RUNX2: variants seen among roughly 807,000 people sequenced by gnomAD.
RUNX2 encodes RUNX family transcription factor 2, also known as runt-related transcription factor 2.
RUNX2 carries 10 observed loss-of-function variants against 51.7 expected under a neutral mutation model. The observed-to-expected ratio is 0.19, with a 90% CI of 0.12 to 0.33. The LOEUF (loss-of-function observed/expected upper bound fraction) is 0.33, where lower values mean the gene tolerates loss of function less well. RUNX2 is among the 10% of genes least tolerant of loss of function. The pLI, the probability that RUNX2 is intolerant of heterozygous loss-of-function variation, is 1.00. For synonymous variants in RUNX2, 276 were observed against 273.6 expected (o/e 1.01, Z -0.09); for missense variants, 562 against 691.3 (o/e 0.81, Z 2.10).
chr6:45,524,170 T>A (rs1175190035), intron 7 of RUNX2, among the ~76,000 whole-genome samples: 2 of 152,176 alleles, frequency 1.3e-5, no homozygotes, highest in African/African-American at 4.8e-5. Flanking sequence ...AGAATTTAAG[T>A]AACTTGGTCT....
intron 2 of RUNX2, among the ~76,000 whole-genome samples, chr6:45,379,159 G>A (rs1797159475): frequency 1.3e-5 from 2 of 152,112 alleles, no homozygotes; most frequent in African/African-American, 4.8e-5. Context: ...TCTCCCCAAC[G>A]CTTCAATATT....
chr6:45,387,765 G>A (rs372695302), intron 2 of RUNX2, among the ~76,000 whole-genome samples: 1 of 152,140 alleles, frequency 6.6e-6, no homozygotes, highest in Non-Finnish European at 1.5e-5. Context: ...ACGTTGAGAG[G>A]GTGCTTAGTG....
At chr6:45,488,117 A>C (rs1481360468) in intron 5 of RUNX2, among the ~76,000 whole-genome samples, 1 of 152,202 alleles carries the variant, frequency 6.6e-6, no homozygotes, top group African/African-American at 2.4e-5. Context: ...GAAATGCTAG[A>C]GTCTTAGGCC....
At chr6:45,373,126 A>T (rs1190060220) in intron 2 of RUNX2, among the ~76,000 whole-genome samples, 2 of 151,438 alleles carry the variant, frequency 1.3e-5, no homozygotes, top group Non-Finnish European at 2.9e-5. Context: ...TTTGTTTTAA[A>T]TTTTTTCTAG....
At chr6:45,482,490 T>G (rs1259641379) in intron 5 of RUNX2, among the ~76,000 whole-genome samples, 1 of 152,206 alleles carries the variant, frequency 6.6e-6, no homozygotes, top group African/African-American at 2.4e-5. Context: ...TTCTTTTATT[T>G]ATTTATGAAT....
At chr6:45,502,812 A>G (rs1040257518) in intron 6 of RUNX2, among the ~76,000 whole-genome samples, 1 of 152,202 alleles carries the variant, frequency 6.6e-6, no homozygotes, top group Non-Finnish European at 1.5e-5. Flanking sequence ...ATACCTAAAC[A>G]TCTTCTAAGG....
intron 5 of RUNX2, among the ~76,000 whole-genome samples, chr6:45,457,087 G>A (rs1443277145): frequency 6.6e-6 from 1 of 152,048 alleles, no homozygotes; most frequent in Non-Finnish European, 1.5e-5. Flanking sequence ...GGAGGAGGGG[G>A]CAAAAGTAAG....
chr6:45,484,737 T>C (rs1251325510), intron 5 of RUNX2, among the ~76,000 whole-genome samples: 12 of 152,178 alleles, frequency 7.9e-5, no homozygotes, highest in Admixed American at 7.9e-4. Context: ...AACAATTACA[T>C]GTGGAATGCA....
At chr6:45,356,622 A>C (rs1793244119) in intron 2 of RUNX2, among the ~76,000 whole-genome samples, 1 of 151,994 alleles carries the variant, frequency 6.6e-6, no homozygotes, top group East Asian at 1.9e-4. Flanking sequence ...GCTGGTCTCG[A>C]ACTCCTGACT....
At chr6:45,543,337 G>A (rs114315667) in intron 7 of RUNX2, among the ~76,000 whole-genome samples, 209 of 152,292 alleles carry the variant, frequency 1.4e-3, no homozygotes, top group Admixed American at 3.3e-3. Context: ...CCTAATAGCC[G>A]AATGTACTTT....
chr6:45,483,735 T>C (rs1800180552), intron 5 of RUNX2, among the ~76,000 whole-genome samples: 1 of 151,964 alleles, frequency 6.6e-6, no homozygotes, highest in African/African-American at 2.4e-5. Context: ...ACCAGAACAA[T>C]GTGATGACCA....
intron 2 of RUNX2, among the ~76,000 whole-genome samples, chr6:45,415,684 A>C (rs113799733): frequency 6.6e-6 from 1 of 152,202 alleles, no homozygotes; most frequent in African/African-American, 2.4e-5. Context: ...CACTGCAGAA[A>C]CTGCTGTGTG....
At chr6:45,505,100 G>A (rs961139056) in intron 6 of RUNX2, among the ~76,000 whole-genome samples, 8 of 152,110 alleles carry the variant, frequency 5.3e-5, no homozygotes, top group Admixed American at 2.0e-4. Flanking sequence ...GTTTCCTCCC[G>A]TCTGCATCAA....
chr6:45,415,145 C>A (rs1798040788), intron 2 of RUNX2, among the ~76,000 whole-genome samples: 1 of 151,984 alleles, frequency 6.6e-6, no homozygotes, highest in Non-Finnish European at 1.5e-5. Context: ...AAAATGGAAA[C>A]CTTAGCATAT....
At chr6:45,453,462 A>G (rs1035821521) in intron 5 of RUNX2, among the ~76,000 whole-genome samples, 7 of 152,192 alleles carry the variant, frequency 4.6e-5, no homozygotes, top group Non-Finnish European at 1.0e-4. Flanking sequence ...AGGTTATCTG[A>G]AGCAACAGAA....
intron 5 of RUNX2, among the ~76,000 whole-genome samples, chr6:45,442,021 G>A (rs765260223): frequency 6.6e-6 from 1 of 152,176 alleles, no homozygotes; most frequent in Non-Finnish European, 1.5e-5. Context: ...AACTTCATAA[G>A]AGCACATGAT....
chr6:45,540,635 T>A (rs1032162568), intron 7 of RUNX2, among the ~76,000 whole-genome samples: 5 of 152,262 alleles, frequency 3.3e-5, no homozygotes, highest in Admixed American at 3.3e-4. Flanking sequence ...TTTCACTCTC[T>A]GTTCCTTTAA....
chr6:45,465,532 T>C (rs546543045), intron 5 of RUNX2, among the ~76,000 whole-genome samples: 1 of 152,214 alleles, frequency 6.6e-6, no homozygotes, highest in Non-Finnish European at 1.5e-5. Flanking sequence ...CTTGTCTAGT[T>C]GATATGGTCA....
intron 2 of RUNX2, among the ~76,000 whole-genome samples, chr6:45,356,304 T>G (rs1041929377): frequency 2.0e-5 from 3 of 152,094 alleles, no homozygotes; most frequent in African/African-American, 4.8e-5. Flanking sequence ...TTTTTATATA[T>G]TTTAGTATAT....
Sources: gnomAD v4.1 joint callset for allele counts (sites outside exome capture counted in the v4.1 genomes callset) on GRCh38, gnomAD v4.1.1 for gene constraint, MANE v1.5 for transcripts, NCBI Gene and HGNC (gene_info 2026-07-23, HGNC 2026-07-21) for gene names.